The following ACBD3 variants were observed in gnomAD, a reference collection of about 807,000 sequenced individuals.
ACBD3 encodes the protein Golgi resident protein GCP60.
A neutral mutation model predicts 66.9 loss-of-function variants in ACBD3; 30 were observed. That is an observed-to-expected ratio of 0.45 (90% confidence interval 0.34 to 0.61). The LOEUF (loss-of-function observed/expected upper bound fraction) is 0.61, where lower values mean the gene tolerates loss of function less well. Ranked by LOEUF, ACBD3 falls within the 20% of genes least tolerant of loss-of-function variation. ACBD3 has a pLI of 0.02. For synonymous variants in ACBD3, 278 were observed against 259.8 expected, an observed-to-expected ratio of 1.07 and a Z score of -0.68; for missense variants, 544 against 664.5, an observed-to-expected ratio of 0.82 and a Z score of 1.99.
At chr1:226,151,979 C>T (rs1043031647) in intron 7 of ACBD3, among the ~76,000 whole-genome samples, 1 of 151,962 alleles carries the variant, frequency 6.6e-6, no homozygotes, top group East Asian at 1.9e-4. Flanking sequence ...TGCACTCCAG[C>T]CTGGGTGACA....
intron 5 of ACBD3, among the ~76,000 whole-genome samples, chr1:226,158,843 C>T (rs936788602): frequency 6.6e-6 from 1 of 152,230 alleles, no homozygotes; most frequent in African/African-American, 2.4e-5. Context: ...TGACAATGCA[C>T]TGCCTGAAGG....
At chr1:226,162,583 G>A (rs906046260) in intron 3 of ACBD3, among the ~76,000 whole-genome samples, 2 of 152,080 alleles carry the variant, frequency 1.3e-5, no homozygotes, top group African/African-American at 4.8e-5. Flanking sequence ...GCTAGGAATG[G>A]ACATCTTCCG....
intron 3 of ACBD3, among the ~76,000 whole-genome samples, chr1:226,163,307 T>A (rs1417411291): frequency 6.6e-6 from 1 of 152,200 alleles, no homozygotes; most frequent in African/African-American, 2.4e-5. Context: ...CTTTTGACAA[T>A]GCTTAAGAGA....
chr1:226,163,839 G>A (rs1011376637), intron 3 of ACBD3, among the ~76,000 whole-genome samples: 24 of 152,092 alleles, frequency 1.6e-4, no homozygotes, highest in African/African-American at 4.8e-4. Flanking sequence ...GAATAACATC[G>A]GCTGGGCAAG....
At chr1:226,168,829 T>TTA (rs1553268448) in intron 1 of ACBD3, among the ~76,000 whole-genome samples, 1 of 152,168 alleles carries the variant, frequency 6.6e-6, no homozygotes, top group Non-Finnish European at 1.5e-5. Flanking sequence ...TCACAGGTAA[T>TTA]TATTAGAGAA....
chr1:226,164,523 A>C (rs1659835191), intron 3 of ACBD3, among the ~76,000 whole-genome samples: 1 of 152,164 alleles, frequency 6.6e-6, no homozygotes, highest in Non-Finnish European at 1.5e-5. Flanking sequence ...TCAGAAACTT[A>C]GTGTAATAAA....
chr1:226,165,080 T>C, intron 2 of ACBD3, 151 bp from the exon 3 acceptor site: 2 of 774,102 alleles, frequency 2.6e-6, no homozygotes, highest in South Asian at 3.1e-5. Context: ...TTAACAAGTA[T>C]GTATTGATTT....
At chr1:226,148,959 A>G (rs1659510009) in intron 7 of ACBD3, among the ~76,000 whole-genome samples, 1 of 152,206 alleles carries the variant, frequency 6.6e-6, no homozygotes, top group Admixed American at 6.5e-5. Context: ...TATGATTAGG[A>G]ATGGTACAAG....
At chr1:226,166,097 A>G in intron 1 of ACBD3, 97 bp from the exon 2 acceptor site, 2 of 1,313,810 alleles carry the variant, frequency 1.5e-6, no homozygotes, top group Non-Finnish European at 2.0e-6. Flanking sequence ...GCATGTCACA[A>G]ACTGCCTGTA....
chr1:226,177,168 T>TA (rs1394885550), intron 1 of ACBD3, among the ~76,000 whole-genome samples: 1 of 141,802 alleles, frequency 7.1e-6, no homozygotes, highest in Non-Finnish European at 1.5e-5. Context: ...GTAGCTGTTT[T>TA]TTTTTTTTTT....
chr1:226,185,637 G>A (rs80059758), intron 1 of ACBD3, among the ~76,000 whole-genome samples: 10 of 148,844 alleles, frequency 6.7e-5, no homozygotes, highest in Admixed American at 6.7e-4. Flanking sequence ...AAAAAAAACC[G>A]CACACTACAA....
chr1:226,185,634 AC>A (rs1656281924), intron 1 of ACBD3, among the ~76,000 whole-genome samples: 2 of 150,174 alleles, frequency 1.3e-5, no homozygotes, highest in African/African-American at 2.4e-5. Flanking sequence ...AAAAAAAAAA[AC>A]CGCACACTAC....
intron 1 of ACBD3, 45 bp downstream of exon 1, chr1:226,186,345 C>T (rs920877049): frequency 1.4e-6 from 2 of 1,470,870 alleles, no homozygotes; most frequent in Non-Finnish European, 9.0e-7. Flanking sequence ...CGCCGGGCTC[C>T]CGGGGCCGGG....
chr1:226,156,765 C>T (rs1413357774), intron 5 of ACBD3, among the ~76,000 whole-genome samples: 2 of 152,180 alleles, frequency 1.3e-5, no homozygotes, highest in Non-Finnish European at 2.9e-5. Context: ...GGGATACTAG[C>T]TTCCAGAGAA....
intron 1 of ACBD3, among the ~76,000 whole-genome samples, chr1:226,179,251 ACT>A (rs370734123): frequency 1.2e-3 from 187 of 152,342 alleles, no homozygotes; most frequent in African/African-American, 4.3e-3. Context: ...CAGAGCAGAC[ACT>A]GACTAAACAG....
Position 226,166,589 on chromosome 1 carries a change from G to T in ACBD3, c.287-589C>A, listed in dbSNP as rs968013948. On this transcript the variant is annotated intron_variant, in intron 1 of 7. Coordinates refer to ENST00000366812, the MANE Select transcript of ACBD3 (RefSeq NM_022735.4). ...CAGCCTCAACCTGCTGAGCTTAAGT[G>T]ATCCTCCCACCTCAGTCACCCAACT... Among the ~76,000 whole-genome samples the T allele has an allele frequency of 4.6e-5, 7 of 150,782 alleles. 1 individual carries two copies. Among genetic ancestry groups the T allele is most frequent in the Non-Finnish European group, 1.0e-4 (7 of 67,886 alleles).
chr1:226,161,738 A>ATG (rs1369354397), intron 3 of ACBD3, 49 bp from the exon 4 acceptor site: 1 of 1,502,994 alleles, frequency 6.7e-7, no homozygotes, highest in Non-Finnish European at 8.9e-7. Context: ...ATCCTGTTTA[A>ATG]AAATAAAACT....
At chr1:226,158,895 C>T (rs1181647312) in intron 5 of ACBD3, among the ~76,000 whole-genome samples, 4 of 152,186 alleles carry the variant, frequency 2.6e-5, no homozygotes, top group Non-Finnish European at 5.9e-5. Context: ...CCTCATGTTC[C>T]AGGACCACTA....
At chr1:226,183,962 C>A (rs1218114596) in intron 1 of ACBD3, among the ~76,000 whole-genome samples, 3 of 150,756 alleles carry the variant, frequency 2.0e-5, no homozygotes, top group African/African-American at 7.3e-5. Flanking sequence ...GAGGCTGACG[C>A]AGGAGGATCA....
Sources: allele counts gnomAD v4.1 joint callset (sites outside exome capture counted in the v4.1 genomes callset), GRCh38; gene constraint gnomAD v4.1.1; transcripts MANE v1.5; gene names NCBI Gene and HGNC (gene_info 2026-07-23, HGNC 2026-07-21).